AKT1: variants seen among roughly 807,000 people sequenced by gnomAD.
AKT1 encodes AKT serine/threonine kinase 1.
Under a neutral mutation model 63.1 loss-of-function variants are expected in AKT1, and 21 were observed. The observed-to-expected ratio is 0.33, with a 90% confidence interval of 0.24 to 0.48. The LOEUF (loss-of-function observed/expected upper bound fraction) is 0.48. AKT1 is among the 20% of genes least tolerant of loss of function. AKT1 has a pLI of 0.99. For missense variants in AKT1, 382 were observed against 666.0 expected (o/e 0.57, Z 4.69); for synonymous variants, 257 against 253.1 (o/e 1.02, Z -0.15).
chr14:104,790,285 A>G (rs61758555), intron 3 of AKT1, among the ~76,000 whole-genome samples: 1 of 151,628 alleles, frequency 6.6e-6, no homozygotes, highest in Non-Finnish European at 1.5e-5. Context: ...GCTGGGGGGG[A>G]GTGGAACAGG....
chr14:104,773,146 G>A (rs2140903920), intron 11 of AKT1, 54 bp from the exon 12 acceptor site: 7 of 1,610,572 alleles, frequency 4.3e-6, no homozygotes, highest in Non-Finnish European at 4.2e-6. Flanking sequence ...CCGGGACACT[G>A]CCGGGGGAGG....
At chr14:104,785,811 A>ACCATGACCC (rs1318558918) in intron 3 of AKT1, among the ~76,000 whole-genome samples, 2 of 152,026 alleles carry the variant, frequency 1.3e-5, no homozygotes, top group Non-Finnish European at 2.9e-5. Flanking sequence ...AGGCGGCACC[A>ACCATGACCC]CCATGACCCC....
At position 104,773,859 on chromosome 14, in the gene AKT1, C is replaced by A. The variant is rs1388735487; in HGVS notation, c.702+53G>T. ...GAGGCTCCGGGAAGGACCGGCCCCACCATGGGCGGCCCACAGGCCGCGAAG... is the reference window on the plus strand; with the variant it reads ...GAGGCTCCGGGAAGGACCGGCCCCAACATGGGCGGCCCACAGGCCGCGAAG... On this transcript the variant is annotated intron_variant, in intron 9 of 14. Coordinates refer to ENST00000649815, the MANE Select transcript of AKT1 (RefSeq NM_001382430.1). The A allele has an allele frequency of 2.6e-6, 4 of 1,536,176 alleles. No homozygotes were observed. The African/African-American group carries it at 5.5e-5, about 21-fold the overall frequency.
At chr14:104,782,527 G>A (rs1022393101) in intron 3 of AKT1, among the ~76,000 whole-genome samples, 17 of 152,314 alleles carry the variant, frequency 1.1e-4, no homozygotes, top group South Asian at 2.1e-4. Context: ...CTGGGGGTGC[G>A]GGAGGGGCAG....
intron 5 of AKT1, 75 bp from the exon 6 acceptor site, chr14:104,775,874 A>C: frequency 6.5e-7 from 1 of 1,535,182 alleles, no homozygotes; most frequent in Middle Eastern, 1.7e-4. Context: ...CCCACCCGCC[A>C]GCCTCACAAG....
chr14:104,774,117 AC>A, intron 8 of AKT1, 137 bp from the exon 9 acceptor site: 1 of 766,390 alleles, frequency 1.3e-6, no homozygotes. Context: ...ACTGCCCGAC[AC>A]CACGCTGCCT....
rs368717720 is a variant in AKT1 at position 104,780,676 on chromosome 14, A to G, written c.47-460T>C. ...CCAGGGTCGGCCAGGTGGCGACAGC[A>G]GGTGACAGTGGCTTGTGTGGGCTGC... On this transcript the variant is annotated intron_variant, in intron 3 of 14. Coordinates refer to ENST00000649815, the MANE Select transcript of AKT1 (RefSeq NM_001382430.1). Among the ~76,000 whole-genome samples, 381 of 152,294 alleles carry G rather than the reference A, an allele frequency of 2.5e-3. 3 individuals are homozygous for G. Among genetic ancestry groups the G allele is most frequent in the African/African-American group, 8.4e-3 (349 of 41,562 alleles).
chr14:104,774,957 G>C lies in AKT1; in HGVS notation c.614C>G (p.Ser205Cys), dbSNP rs1240566715. The change falls in exon 8 of 15, where the codon TCC becomes TGC. Residue 205 changes from serine (S) to cysteine (C), a missense_variant. This residue lies in a region of AKT1 where 226 missense variants were observed against 366.4 expected (regional missense o/e 0.62). Coordinates refer to ENST00000649815, the MANE Select transcript of AKT1 (RefSeq NM_001382430.1). ...ACTCACTGTGAGGAAGGGGTGCCTGGAGTTCTGCAGGACGCGGTTCTCGGT... is the reference window on the plus strand; with the variant it reads ...ACTCACTGTGAGGAAGGGGTGCCTGCAGTTCTGCAGGACGCGGTTCTCGGT... ...TLTENRVLQN[S>C]RHPFLTALKY... is the part of the protein sequence containing the mutation. The C allele has an allele frequency of 1.2e-6, 2 of 1,612,500 alleles. No homozygotes were observed. The highest frequency in any genetic ancestry group is 2.2e-5 in the South Asian group (2 of 91,016).
In AKT1 at chr14:104,769,587, C is replaced by T. The variant is rs1260774868; in HGVS notation, c.*754G>A. ...AGGTCAAGTGCTACCGTGGAGAGAT[C>T]ATCTGAGGGGGAGGCTCCCGGTGGG... On this transcript the variant is annotated 3_prime_UTR_variant, in exon 15 of 15. Transcript: ENST00000649815. The T allele has an allele frequency of 3.8e-6, 2 of 532,456 alleles. No homozygotes were observed. Among genetic ancestry groups the T allele is most frequent in the Non-Finnish European group, 7.3e-6 (2 of 274,768 alleles). The allele number at this position is 532,456 out of a possible 1,614,324, so 33.0% of individuals were successfully genotyped here.
rs188846896 is a variant in AKT1 at position 104,776,240 on chromosome 14, G to C, written c.287+419C>G. Reference sequence around the variant, plus strand: ...TCGGCTCCTGCAGCCTCTGCCTCTCGGGTTCAAGCGATTCTTGTGCCTCAG... The same window carrying C: ...TCGGCTCCTGCAGCCTCTGCCTCTCCGGTTCAAGCGATTCTTGTGCCTCAG... On this transcript the variant is annotated intron_variant, in intron 5 of 14. Transcript: ENST00000649815. 1.1e-4 allele frequency: 21 copies of C among 199,228 alleles called. No homozygotes were observed. In the Admixed American group the frequency reaches 1.1e-3, roughly 10 times the overall value. The allele number at this position is 199,228 out of a possible 1,614,324, so 12.3% of individuals were successfully genotyped here.
chr14:104,778,747 C>G (rs564733467), intron 4 of AKT1, among the ~76,000 whole-genome samples: 1 of 152,326 alleles, frequency 6.6e-6, no homozygotes, highest in African/African-American at 2.4e-5. Flanking sequence ...AGACCCTGGA[C>G]CAGAACCTGG....
At position 104,774,043 on chromosome 14, in the gene AKT1, G is replaced by A. The variant is rs1425349182; in HGVS notation, c.634-63C>T. 6.0e-6 allele frequency: 9 copies of A among 1,497,986 alleles called. No individual in the cohort carries two copies. In the Admixed American group the frequency reaches 1.6e-4, roughly 27 times the overall value. The allele number at this position is 1,497,986 out of a possible 1,614,324, so 92.8% of individuals were successfully genotyped here. On this transcript the variant is annotated intron_variant, in intron 8 of 14. Coordinates refer to ENST00000649815, the MANE Select transcript of AKT1 (RefSeq NM_001382430.1). The stretch of plus-strand genomic sequence containing the variant: ...CAGGACGGCAGCCCCGCACCACGCT[G>A]CCCGACACCACGCTGCTTGATACCA...
chr14:104,774,928 T>TCC lies in AKT1; in HGVS notation c.633+8_633+9dup, dbSNP rs774067656. ...CCCAGCCCTTCAGCCCCATCTGGGC[T>TCC]CCCACTCACTGTGAGGAAGGGGTGC... On this transcript the variant is annotated intron_variant, in intron 8 of 14. Coordinates refer to ENST00000649815, the MANE Select transcript of AKT1 (RefSeq NM_001382430.1). The TCC allele has an allele frequency of 6.2e-7, 1 of 1,608,716 alleles. No individual in the cohort carries two copies. The highest frequency in any genetic ancestry group is 2.2e-5 in the East Asian group (1 of 44,776).
At chr14:104,778,664 C>G (rs559340068) in intron 4 of AKT1, 2 of 152,270 alleles carry the variant, frequency 1.3e-5, no homozygotes, top group African/African-American at 4.8e-5. Flanking sequence ...TCCCCTTATA[C>G]GTGCAGGCAC....
At chr14:104,779,987 C>T in intron 4 of AKT1, 101 bp downstream of exon 4, 1 of 1,506,926 alleles carries the variant, frequency 6.6e-7, no homozygotes, top group Non-Finnish European at 8.9e-7. Context: ...CAGCCCAGGA[C>T]TTGGAGGCTC....
At position 104,770,222 on chromosome 14, in the gene AKT1, G is replaced by T; in HGVS notation, c.*119C>A. ...AAAACGTCTTTCCATCTGGGCTCGA[G>T]AGGACAGCGTGGCTTCTCTCAAATG... is the stretch of plus-strand genomic sequence containing the variant. On this transcript the variant is annotated 3_prime_UTR_variant, in exon 15 of 15. Coordinates refer to ENST00000649815, the MANE Select transcript of AKT1 (RefSeq NM_001382430.1). The T allele has an allele frequency of 8.7e-7, 1 of 1,144,040 alleles. No individual in the cohort carries two copies. Among genetic ancestry groups the T allele is most frequent in the Non-Finnish European group, 1.3e-6 (1 of 790,332 alleles). The allele number at this position is 1,144,040 out of a possible 1,614,324, so 70.9% of individuals were successfully genotyped here. A position where few individuals can be genotyped will look rare whatever the true frequency, so the allele number is the denominator to read the frequency against.
rs1892287316 is a variant in AKT1 at position 104,770,041 on chromosome 14, C to T, written c.*300G>A. The T allele has an allele frequency of 2.8e-5, 14 of 504,200 alleles. No individual in the cohort carries two copies. The South Asian group carries it at 2.9e-4, about 10-fold the overall frequency. 31.2% of individuals were successfully genotyped at this position (504,200 alleles called of 1,614,324 possible). On this transcript the variant is annotated 3_prime_UTR_variant, in exon 15 of 15. Coordinates refer to ENST00000649815, the MANE Select transcript of AKT1 (RefSeq NM_001382430.1). ...CCCGGCCCCCCAATGCCACATTGCGCATAGCTGCAGAAGTCCTTAACATTT... is the reference window on the plus strand; with the variant it reads ...CCCGGCCCCCCAATGCCACATTGCGTATAGCTGCAGAAGTCCTTAACATTT...
At chr14:104,784,139 G>T (rs1893215922) in intron 3 of AKT1, among the ~76,000 whole-genome samples, 1 of 152,210 alleles carries the variant, frequency 6.6e-6, no homozygotes, top group Non-Finnish European at 1.5e-5. Context: ...CTGGGCAGTG[G>T]GAGGCAGCAG....
Position 104,792,942 on chromosome 14 carries a change from T to C in AKT1, c.-80+185A>G, listed in dbSNP as rs76562125. On this transcript the variant is annotated intron_variant, in intron 2 of 14. Coordinates refer to ENST00000649815, the MANE Select transcript of AKT1 (RefSeq NM_001382430.1). Reference sequence around the variant, plus strand: ...GCTGCCAAGTGTCAAATCCATGTAATTGAACACAGTTCCCTGGACCTGGGC... The same window carrying C: ...GCTGCCAAGTGTCAAATCCATGTAACTGAACACAGTTCCCTGGACCTGGGC... The C allele has an allele frequency of 6.2e-4, 352 of 564,996 alleles. 3 individuals carry two copies. The East Asian group carries it at 9.9e-3, about 16-fold the overall frequency. The allele number at this position is 564,996 out of a possible 1,614,324, so 35.0% of individuals were successfully genotyped here.
Sources: allele counts gnomAD v4.1 joint callset (sites outside exome capture counted in the v4.1 genomes callset), GRCh38; gene constraint gnomAD v4.1.1; regional missense constraint gnomAD v4.1.1; transcripts MANE v1.5; gene names NCBI Gene and HGNC (gene_info 2026-07-23, HGNC 2026-07-21).